EXOC4: variants seen among roughly 807,000 people sequenced by gnomAD.
EXOC4 encodes exocyst complex component 4.
EXOC4 carries 71 observed loss-of-function variants against 107.2 expected under a neutral mutation model. That is an observed-to-expected ratio of 0.66 (90% CI 0.55 to 0.81). The LOEUF is 0.81. Among genes scored for constraint, EXOC4 ranks in the 30% least tolerant of loss-of-function variants. The pLI is 0.00. For missense variants in EXOC4, 1,108 were observed against 1,189.6 expected (o/e 0.93, Z 1.01); for synonymous variants, 456 against 441.2 (o/e 1.03, Z -0.42).
Position 133,786,461 on chromosome 7 carries a change from A to C in EXOC4, c.1515-30864A>C, listed in dbSNP as rs1421265382. On this transcript the variant is annotated intron_variant, in intron 10 of 17. Coordinates refer to ENST00000253861, the MANE Select transcript of EXOC4 (RefSeq NM_021807.4). ...AGACTGGATATGCCACCCAAAAACT[A>C]TCCATGTTGGTGGATCCAGGGTTAA... Among the ~76,000 whole-genome samples the C allele has an allele frequency of 2.0e-5, 3 of 152,316 alleles. No homozygotes were observed. In the East Asian group the frequency reaches 5.8e-4, roughly 29 times the overall value.
chr7:133,630,868 C>T (rs1175033015), intron 10 of EXOC4, among the ~76,000 whole-genome samples: 2 of 151,848 alleles, frequency 1.3e-5, no homozygotes, highest in Non-Finnish European at 2.9e-5. Context: ...ATGGTGCCTC[C>T]ATTAAAGAAA....
chr7:133,733,024 C>A, intron 10 of EXOC4: 1 of 174,454 alleles, frequency 5.7e-6, no homozygotes, highest in South Asian at 1.3e-4. Flanking sequence ...CTTCAGTAAT[C>A]AGCCTGAATT....
At chr7:133,685,051 T>C (rs536674479) in intron 10 of EXOC4, among the ~76,000 whole-genome samples, 2 of 152,354 alleles carry the variant, frequency 1.3e-5, no homozygotes, top group South Asian at 2.1e-4. Flanking sequence ...TTTAGGCCTT[T>C]GTTCTTCCCA....
At chr7:134,067,964 ATAAT>A (rs1183047583), downstream of EXOC4, among the ~76,000 whole-genome samples, 3 of 152,124 alleles carry the variant, frequency 2.0e-5, no homozygotes, top group Non-Finnish European at 4.4e-5. Context: ...TTTCATCCCA[ATAAT>A]TAGACAAGGA....
intron 9 of EXOC4, among the ~76,000 whole-genome samples, chr7:133,516,677 G>A: frequency 6.7e-6 from 1 of 149,082 alleles, no homozygotes; most frequent in East Asian, 2.0e-4. Context: ...TTCTGCTTGG[G>A]TAAACACCTA....
chr7:133,466,765 C>G (rs1315670571), intron 7 of EXOC4, among the ~76,000 whole-genome samples: 1 of 151,996 alleles, frequency 6.6e-6, no homozygotes, highest in East Asian at 1.9e-4. Context: ...TAATGTTGAA[C>G]AAAATATTAG....
chr7:134,009,433 C>T (rs1794718140), intron 17 of EXOC4, among the ~76,000 whole-genome samples: 1 of 152,122 alleles, frequency 6.6e-6, no homozygotes, highest in South Asian at 2.1e-4. Flanking sequence ...TCCATTGCTA[C>T]CCTGTTCCTC....
intron 10 of EXOC4, among the ~76,000 whole-genome samples, chr7:133,696,081 C>T (rs995164685): frequency 6.6e-6 from 1 of 152,092 alleles, no homozygotes; most frequent in African/African-American, 2.4e-5. Context: ...TAAAGTATGC[C>T]CCGGCTGGCA....
At chr7:133,649,497 ATTAT>A (rs1428593400) in intron 10 of EXOC4, among the ~76,000 whole-genome samples, 1 of 122,526 alleles carries the variant, frequency 8.2e-6, no homozygotes, top group Non-Finnish European at 1.7e-5. Context: ...ACCAGTAAAG[ATTAT>A]TTATAACTTT....
intron 7 of EXOC4, among the ~76,000 whole-genome samples, chr7:133,440,177 A>G (rs1457119249): frequency 3.9e-5 from 6 of 152,206 alleles, no homozygotes; most frequent in Non-Finnish European, 5.9e-5. Context: ...GGAAGTTGTC[A>G]TAGTTCTTGA....
chr7:134,021,599 C>G (rs997929653), intron 17 of EXOC4, among the ~76,000 whole-genome samples: 2 of 152,016 alleles, frequency 1.3e-5, no homozygotes, highest in African/African-American at 4.8e-5. Context: ...CGTGTTCTAA[C>G]CTTTAACAAT....
At chr7:133,490,616 A>G (rs1227433315) in intron 9 of EXOC4, among the ~76,000 whole-genome samples, 1 of 152,186 alleles carries the variant, frequency 6.6e-6, no homozygotes, top group African/African-American at 2.4e-5. Context: ...AACTCAGTTT[A>G]TATATACAGA....
intron 10 of EXOC4, among the ~76,000 whole-genome samples, chr7:133,764,278 C>T (rs986321173): frequency 2.0e-5 from 3 of 152,020 alleles, no homozygotes; most frequent in African/African-American, 7.2e-5. Flanking sequence ...TCAAGAAGTG[C>T]TGTAAAAGTT....
chr7:133,309,662 G>A (rs536658749), intron 4 of EXOC4, among the ~76,000 whole-genome samples: 5 of 152,132 alleles, frequency 3.3e-5, no homozygotes, highest in Non-Finnish European at 5.9e-5. Flanking sequence ...AAGGTCAGCC[G>A]GGCGTGGAGG....
At chr7:133,453,726 T>G (rs1946303) in intron 7 of EXOC4, among the ~76,000 whole-genome samples, 129,185 of 151,908 alleles carry the variant, frequency 0.85, 55,261 homozygotes, top group East Asian at 0.95. Context: ...TTTACTAAAG[T>G]TATCGTCTCT....
intron 14 of EXOC4, among the ~76,000 whole-genome samples, chr7:133,970,937 A>C (rs1801206710): frequency 6.6e-6 from 1 of 152,100 alleles, no homozygotes; most frequent in Non-Finnish European, 1.5e-5. Context: ...CTCAGCCCTG[A>C]AAAATGATTC....
intron 7 of EXOC4, among the ~76,000 whole-genome samples, chr7:133,438,191 G>A (rs1221516639): frequency 6.6e-6 from 1 of 152,048 alleles, no homozygotes; most frequent in Non-Finnish European, 1.5e-5. Context: ...TTCCCCAAGA[G>A]GAATTTTAAT....
chr7:133,320,718 T>C (rs1342889566), intron 5 of EXOC4, among the ~76,000 whole-genome samples: 2 of 152,232 alleles, frequency 1.3e-5, no homozygotes, highest in Non-Finnish European at 2.9e-5. Context: ...AATTTGACTT[T>C]CTTCAAATTA....
intron 6 of EXOC4, 77 bp downstream of exon 6, chr7:133,356,650 C>T (rs1796027509): frequency 1.3e-6 from 2 of 1,508,670 alleles, no homozygotes; most frequent in Admixed American, 3.7e-5. Flanking sequence ...AAGTAACTTA[C>T]CTTCTGTTGA....
Sources: allele counts gnomAD v4.1 joint callset (sites outside exome capture counted in the v4.1 genomes callset), GRCh38; gene constraint gnomAD v4.1.1; transcripts MANE v1.5; gene names NCBI Gene and HGNC (gene_info 2026-07-23, HGNC 2026-07-21).